The following SMC2 variants were observed in gnomAD, a reference collection of about 807,000 sequenced individuals.
SMC2 encodes structural maintenance of chromosomes protein 2.
In SMC2, 41 loss-of-function variants were observed where a neutral mutation model predicts 142.6. The ratio of observed to expected loss-of-function variants is 0.29; its 90% confidence interval spans 0.22 to 0.37. SMC2 has a LOEUF of 0.37. Among genes scored for constraint, SMC2 ranks in the 10% least tolerant of loss-of-function variants. The pLI, the probability that SMC2 is intolerant of heterozygous loss-of-function variation, is 1.00. For missense variants in SMC2, 1,265 were observed against 1,373.7 expected, an observed-to-expected ratio of 0.92 and a Z score of 1.25; for synonymous variants, 463 against 457.5, an observed-to-expected ratio of 1.01 and a Z score of -0.15.
intron 9 of SMC2, 30 bp from the exon 10 acceptor site, chr9:104,111,551 A>G (rs765695333): frequency 4.7e-5 from 70 of 1,482,254 alleles, no homozygotes; most frequent in Non-Finnish European, 6.3e-5. Flanking sequence ...CTGAAATATA[A>G]TATTTTTCCA....
chr9:104,091,983 C>T (rs1177803874), upstream of SMC2: 1 of 152,200 alleles, frequency 6.6e-6, no homozygotes, highest in Non-Finnish European at 1.5e-5. Context: ...GAAGCAAGAA[C>T]AGTGTTTTCT....
chr9:104,120,733 T>C (rs1833642005), intron 16 of SMC2, among the ~76,000 whole-genome samples: 1 of 152,226 alleles, frequency 6.6e-6, no homozygotes, highest in African/African-American at 2.4e-5. Context: ...ATCACTTCTA[T>C]TTTTGTATAA....
At chr9:104,137,330 AT>A (rs1385248583) in intron 23 of SMC2, among the ~76,000 whole-genome samples, 1 of 152,134 alleles carries the variant, frequency 6.6e-6, no homozygotes, top group Non-Finnish European at 1.5e-5. Context: ...TAAAGAAAAA[AT>A]ATAATAATAA....
chr9:104,131,108 G>C (rs1347761119), intron 21 of SMC2, among the ~76,000 whole-genome samples: 2 of 152,148 alleles, frequency 1.3e-5, no homozygotes, highest in African/African-American at 4.8e-5. Flanking sequence ...GCTTTGAGGA[G>C]AAATGAATTA....
chr9:104,095,331 T>C lies in SMC2; in HGVS notation c.-54T>C, dbSNP rs185967004. The C allele has an allele frequency of 5.4e-4, 793 of 1,460,016 alleles. 6 individuals carry two copies. The African/African-American group carries it at 0.01, about 19-fold the overall frequency. The allele number at this position is 1,460,016 out of a possible 1,614,324, so 90.4% of individuals were successfully genotyped here. A position where few individuals can be genotyped will look rare whatever the true frequency, so the allele number is the denominator to read the frequency against. On this transcript the variant is annotated 5_prime_UTR_variant, in exon 2 of 25. Transcript: ENST00000374793. Reference sequence around the variant, plus strand: ...TATTTCTGTTTCGTACAGAACTGGTTTGTGGCCTGTTTGATTCCTGTCAGA... The same window carrying C: ...TATTTCTGTTTCGTACAGAACTGGTCTGTGGCCTGTTTGATTCCTGTCAGA...
At chr9:104,100,481 T>A (rs188495174) in intron 7 of SMC2, 48 bp downstream of exon 7, 3 of 1,219,240 alleles carry the variant, frequency 2.5e-6, no homozygotes, top group South Asian at 2.6e-5. Context: ...TCTTTCAAAG[T>A]CAGCAATGTA....
chr9:104,127,829 A>G (rs1834483400), intron 20 of SMC2, among the ~76,000 whole-genome samples: 1 of 152,336 alleles, frequency 6.6e-6, no homozygotes, highest in East Asian at 1.9e-4. Context: ...ACCTTATTTC[A>G]AATTGAATTA....
chr9:104,090,847 A>G (rs1222844455), upstream of SMC2, among the ~76,000 whole-genome samples: 1 of 151,180 alleles, frequency 6.6e-6, no homozygotes, highest in Non-Finnish European at 1.5e-5. Context: ...GAACTAACAG[A>G]AAAGAAGATA....
chr9:104,134,518 A>G lies in SMC2; in HGVS notation c.3212A>G (p.Lys1071Arg), dbSNP rs61741732. The G allele has an allele frequency of 3.6e-3, 5,832 of 1,612,430 alleles. 209 individuals are homozygous for G. In the African/African-American group the frequency reaches 0.07, roughly 19 times the overall value. Residue 1071 changes from lysine to arginine, a missense_variant, in exon 23 of 25, where the codon AAG becomes AGG. This residue lies in a region of SMC2 where 192 missense variants were observed against 261.9 expected (regional missense o/e 0.73). Transcript: ENST00000374793. ...GQTVLDGLEFKVALGNTWKEN... is the reference protein window; with the variant it reads ...GQTVLDGLEFRVALGNTWKEN... The stretch of plus-strand genomic sequence containing the variant: ...ACTGTTTTGGATGGTCTGGAGTTCA[A>G]GGTTGCCTTGGGAAATACCTGGAAA...
chr9:104,134,594 A>ATATTATAAC lies in SMC2; in HGVS notation c.3269+27_3269+28insCTATTATAA. ...GTCAGAGGTGAGGAATCACTTTGCTATATTATAATTTTCATTCCTCTTTAT... is the reference window on the plus strand; with the variant it reads ...GTCAGAGGTGAGGAATCACTTTGCTATATTATAACTATTATAATTTTCATTCCTCTTTAT... On this transcript the variant is annotated intron_variant, in intron 23 of 24. Transcript: ENST00000374793. The ATATTATAAC allele has an allele frequency of 7.4e-7, 1 of 1,344,082 alleles. No individual in the cohort carries two copies. The highest frequency in any genetic ancestry group is 9.7e-7 in the Non-Finnish European group (1 of 1,028,598). The allele number at this position is 1,344,082 out of a possible 1,614,324, so 83.3% of individuals were successfully genotyped here. A position where few individuals can be genotyped will look rare whatever the true frequency, so the allele number is the denominator to read the frequency against.
intron 7 of SMC2, among the ~76,000 whole-genome samples, chr9:104,100,962 A>G (rs1464909112): frequency 6.6e-6 from 1 of 152,146 alleles, no homozygotes; most frequent in East Asian, 1.9e-4. Context: ...TTTTCTTGAG[A>G]CTAGTCTCAC....
chr9:104,102,435 T>C lies in SMC2; in HGVS notation c.882T>C (p.Gly294=). The change falls in exon 9 of 25, where the codon GGT becomes GGC. Residue 294 remains glycine, a synonymous_variant. Transcript: ENST00000374793. ...LEKRKDKETG[G]ILRSLEDALA... ...GCATTTTGTTATAGGAAACTGGAGG[T>C]ATACTTCGATCTTTAGAAGATGCTC... The C allele has an allele frequency of 6.2e-7, 1 of 1,606,356 alleles. No individual in the cohort carries two copies. The highest frequency in any genetic ancestry group is 8.5e-7 in the Non-Finnish European group (1 of 1,177,432).
At chr9:104,125,762 T>C (rs1587977984) in intron 18 of SMC2, among the ~76,000 whole-genome samples, 2 of 152,348 alleles carry the variant, frequency 1.3e-5, no homozygotes, top group Middle Eastern at 3.4e-3. Flanking sequence ...GATGATACTT[T>C]GTTATATCTT....
chr9:104,102,338 A>C, intron 8 of SMC2, 86 bp from the exon 9 acceptor site: 1 of 1,291,338 alleles, frequency 7.7e-7, no homozygotes, highest in Non-Finnish European at 1.1e-6. Flanking sequence ...ACTTATAAAA[A>C]AGTGTTTGAT....
rs1304803532 is a variant in SMC2, at chr9:104,140,401, A to G, written c.*1086A>G. ...CGTCATCACTAGAACAGTGACCCCAAACTGAATCATGAAAGGTCTGACATG... is the reference window on the plus strand; with the variant it reads ...CGTCATCACTAGAACAGTGACCCCAGACTGAATCATGAAAGGTCTGACATG... On this transcript the variant is annotated 3_prime_UTR_variant, in exon 25 of 25. Transcript: ENST00000374793. 1 of 152,052 alleles carries G rather than the reference A, an allele frequency of 6.6e-6. No homozygotes were observed. The highest frequency in any genetic ancestry group is 6.6e-5 in the Admixed American group (1 of 15,256). 9.4% of individuals were successfully genotyped at this position (152,052 alleles called of 1,614,324 possible).
At chr9:104,120,842 G>C (rs1480113997) in intron 16 of SMC2, among the ~76,000 whole-genome samples, 1 of 152,078 alleles carries the variant, frequency 6.6e-6, no homozygotes, top group Non-Finnish European at 1.5e-5. Flanking sequence ...CCTCCTGTGT[G>C]CCACATACTC....
intron 9 of SMC2, among the ~76,000 whole-genome samples, chr9:104,107,039 G>C (rs1197089209): frequency 6.6e-6 from 1 of 152,198 alleles, no homozygotes; most frequent in African/African-American, 2.4e-5. Flanking sequence ...AGCATCCCCT[G>C]TGGTTTGTTT....
At chr9:104,099,774 G>A in intron 5 of SMC2, 92 bp downstream of exon 5, 2 of 841,832 alleles carry the variant, frequency 2.4e-6, no homozygotes, top group Non-Finnish European at 3.8e-6. Flanking sequence ...TAAAATTTTT[G>A]GAGACATTAT....
At chr9:104,107,941 G>T (rs546916587) in intron 9 of SMC2, among the ~76,000 whole-genome samples, 2 of 152,266 alleles carry the variant, frequency 1.3e-5, no homozygotes, top group Admixed American at 6.5e-5. Flanking sequence ...TAGGTGGCAG[G>T]CCGGGTTGGA....
Sources: gnomAD v4.1 joint callset for allele counts (sites outside exome capture counted in the v4.1 genomes callset) on GRCh38, gnomAD v4.1.1 for gene constraint, gnomAD v4.1.1 regional missense constraint, MANE v1.5 for transcripts, NCBI Gene and HGNC (gene_info 2026-07-23, HGNC 2026-07-21) for gene names.